GGA2: variants seen among roughly 807,000 people sequenced by gnomAD.
GGA2 encodes the protein golgi associated, gamma adaptin ear containing, ARF binding protein 2.
GGA2 carries 48 observed loss-of-function variants against 79.5 expected under a neutral mutation model. The ratio of observed to expected loss-of-function variants is 0.60; its 90% CI spans 0.48 to 0.77. The LOEUF (loss-of-function observed/expected upper bound fraction) is 0.77. Among genes scored for constraint, GGA2 ranks in the 30% least tolerant of loss-of-function variants. The pLI is 0.00. For missense variants in GGA2, 770 were observed against 774.0 expected, an observed-to-expected ratio of 0.99 and a Z score of 0.06; for synonymous variants, 317 against 302.0, an observed-to-expected ratio of 1.05 and a Z score of -0.51.
At chr16:23,468,754 G>T in intron 16 of GGA2, 132 bp downstream of exon 16, 1 of 590,276 alleles carries the variant, frequency 1.7e-6, no homozygotes, top group Non-Finnish European at 3.1e-6. Flanking sequence ...GATTACAGGG[G>T]TGAACCACTG....
chr16:23,486,761 G>C lies in GGA2; in HGVS notation c.609C>G (p.His203Gln). 6.2e-7 allele frequency: 1 copy of C among 1,612,202 alleles called. No individual in the cohort carries two copies. The highest frequency in any genetic ancestry group is 8.5e-7 in the Non-Finnish European group (1 of 1,178,238). ...GGTTTGCAGCCTGAAGGTCCTCGGG[G>C]TGGTTGCTCTTTAGAAGCCTTGTCA... is the stretch of plus-strand genomic sequence containing the variant. ...KLLTRLLKSN[H>Q]PEDLQAANRL... The change falls in exon 7 of 17, where the codon CAC becomes CAG. Residue 203 changes from histidine (H) to glutamine (Q), a missense_variant. By Grantham distance (24) the His-to-Gln change is conservative (BLOSUM62 0). Coordinates refer to ENST00000309859, the MANE Select transcript of GGA2 (RefSeq NM_015044.4).
At chr16:23,486,864 A>C (rs531938707) in intron 6 of GGA2, 74 bp from the exon 7 acceptor site, 2 of 858,520 alleles carry the variant, frequency 2.3e-6, no homozygotes, top group Non-Finnish European at 4.1e-6. Context: ...GCAGCAACAG[A>C]AGAGTTAACA....
chr16:23,480,602 C>T, intron 10 of GGA2, 43 bp downstream of exon 10: 1 of 1,563,310 alleles, frequency 6.4e-7, no homozygotes, highest in South Asian at 1.1e-5. Flanking sequence ...GAATTACAGG[C>T]TGCCCCAAGG....
At chr16:23,510,554 C>CT (rs1371047397), upstream of GGA2, 1 of 249,982 alleles carries the variant, frequency 4.0e-6, no homozygotes. Context: ...CCACCCCAGG[C>CT]CCCCCCTCCA....
chr16:23,480,902 G>T, intron 9 of GGA2, 132 bp from the exon 10 acceptor site: 1 of 841,390 alleles, frequency 1.2e-6, no homozygotes, highest in Non-Finnish European at 1.9e-6. Flanking sequence ...CTGCCTCCAG[G>T]TTGTGTCATC....
At chr16:23,491,652 TAA>T (rs1964789116) in intron 5 of GGA2, 23 bp downstream of exon 5, 1 of 1,606,544 alleles carries the variant, frequency 6.2e-7, no homozygotes, top group African/African-American at 1.3e-5. Flanking sequence ...CAAGAGGAAA[TAA>T]GACACAGTAA....
At chr16:23,513,695 G>C (rs1965086745), upstream of GGA2, among the ~76,000 whole-genome samples, 1 of 150,782 alleles carries the variant, frequency 6.6e-6, no homozygotes, top group Admixed American at 6.7e-5. Flanking sequence ...TGAGGCAGGA[G>C]GACCACTTGA....
chr16:23,502,648 G>A (rs1297142211), intron 1 of GGA2, among the ~76,000 whole-genome samples: 2 of 152,220 alleles, frequency 1.3e-5, no homozygotes, highest in African/African-American at 4.8e-5. Context: ...GTTCACATAT[G>A]GAGAGGAGCA....
At chr16:23,498,274 T>G (rs1345546773) in intron 1 of GGA2, among the ~76,000 whole-genome samples, 2 of 149,674 alleles carry the variant, frequency 1.3e-5, no homozygotes, top group Non-Finnish European at 3.0e-5. Context: ...GGTGAGACTC[T>G]GTCTCCAAAA....
intron 9 of GGA2, among the ~76,000 whole-genome samples, chr16:23,482,407 T>C (rs1406464753): frequency 6.6e-6 from 1 of 152,204 alleles, no homozygotes; most frequent in East Asian, 1.9e-4. Context: ...GTGAAGAATA[T>C]ATAGGTTTTA....
chr16:23,505,667 T>C (rs1964966919), intron 1 of GGA2, among the ~76,000 whole-genome samples: 1 of 151,992 alleles, frequency 6.6e-6, no homozygotes, highest in African/African-American at 2.4e-5. Flanking sequence ...TGGCTCTGGG[T>C]TGGGTACTGT....
rs780497946 is a variant in GGA2, at chr16:23,482,933, ATCG to A, written c.867_869del (p.Asp291del). 6.2e-7 allele frequency: 1 copy of A among 1,603,630 alleles called. No individual in the cohort carries two copies. The highest frequency in any genetic ancestry group is 8.5e-7 in the Non-Finnish European group (1 of 1,170,426). On this transcript the variant is annotated inframe_deletion, in exon 9 of 17. Transcript: ENST00000309859. ...GGAAAGAAAACTTACCGAGTGCATCATCGTCATCAGTGGTGTCACTCGCCAACC... is the reference window on the plus strand; with the variant it reads ...GGAAAGAAAACTTACCGAGTGCATCATCATCAGTGGTGTCACTCGCCAACC...
At position 23,487,232 on chromosome 16, in the gene GGA2, G is replaced by A. The variant is rs1468690950; in HGVS notation, c.580-442C>T. On this transcript the variant is annotated intron_variant, in intron 6 of 16. Transcript: ENST00000309859. ...CTTGACCTCGTGATCCACCCACCTC[G>A]GCCTCCCAAAATGCTGGGATTACAG... Among the ~76,000 whole-genome samples the A allele has an allele frequency of 3.3e-5, 5 of 152,152 alleles. No homozygotes were observed. The South Asian group carries it at 6.2e-4, about 19-fold the overall frequency.
chr16:23,511,017 G>GTGTA (rs142529148), upstream of GGA2, among the ~76,000 whole-genome samples: 2 of 1,824 alleles, frequency 1.1e-3, no homozygotes, highest in African/African-American at 4.7e-3. Flanking sequence ...GGGTTTCACC[G>GTGTA]TGTGTGTGTG....
chr16:23,468,743 G>A (rs1397526952), intron 16 of GGA2, 143 bp downstream of exon 16: 10 of 549,066 alleles, frequency 1.8e-5, no homozygotes, highest in African/African-American at 5.6e-5. Context: ...CAAAGTGCTG[G>A]GATTACAGGG....
intron 12 of GGA2, 69 bp from the exon 13 acceptor site, chr16:23,478,570 C>T (rs1291975088): frequency 1.3e-6 from 2 of 1,486,840 alleles, no homozygotes; most frequent in South Asian, 1.1e-5. Context: ...AAAACCAAGG[C>T]ACAGCTCTCC....
intron 6 of GGA2, 36 bp from the exon 7 acceptor site, chr16:23,486,826 C>A (rs943285441): frequency 4.1e-6 from 5 of 1,210,770 alleles, no homozygotes; most frequent in Non-Finnish European, 6.2e-6. Flanking sequence ...GGTGAGACCA[C>A]AACTCCCTCA....
At chr16:23,486,292 C>T in intron 7 of GGA2, 140 bp from the exon 8 acceptor site, 1 of 720,468 alleles carries the variant, frequency 1.4e-6, no homozygotes, top group Non-Finnish European at 2.3e-6. Context: ...AGAACTCACA[C>T]AGTGGGTGAA....
At chr16:23,488,077 G>T (rs1236630592) in intron 6 of GGA2, among the ~76,000 whole-genome samples, 1 of 152,018 alleles carries the variant, frequency 6.6e-6, no homozygotes, top group Non-Finnish European at 1.5e-5. Flanking sequence ...GGGAGTTCAT[G>T]GTGGATGGAA....
Sources: gnomAD v4.1 joint callset for allele counts (sites outside exome capture counted in the v4.1 genomes callset) on GRCh38, gnomAD v4.1.1 for gene constraint, MANE v1.5 for transcripts, NCBI Gene and HGNC (gene_info 2026-07-23, HGNC 2026-07-21) for gene names.